NCALD: variants seen among roughly 807,000 people sequenced by gnomAD.
NCALD encodes neurocalcin-delta.
A neutral mutation model predicts 18.6 loss-of-function variants in NCALD; 10 were observed. The ratio of observed to expected loss-of-function variants is 0.54; its 90% CI spans 0.33 to 0.91. NCALD has a LOEUF of 0.91. NCALD is among the 40% of genes least tolerant of loss of function. NCALD has a pLI of 0.03. For missense variants in NCALD, 184 were observed against 247.6 expected (o/e 0.74, Z 1.72); for synonymous variants, 88 against 87.4 (o/e 1.01, Z -0.04).
intron 4 of NCALD, among the ~76,000 whole-genome samples, chr8:101,824,311 T>C (rs1326139647): frequency 6.6e-6 from 1 of 152,084 alleles, no homozygotes; most frequent in Non-Finnish European, 1.5e-5. Flanking sequence ...CAACGCTGTG[T>C]CCATAAATGA....
chr8:101,731,778 G>T (rs1411064903), intron 1 of NCALD, among the ~76,000 whole-genome samples: 3 of 152,110 alleles, frequency 2.0e-5, no homozygotes, highest in African/African-American at 7.2e-5. Flanking sequence ...GTCTAAGTCT[G>T]CCTCCACTCC....
intron 4 of NCALD, among the ~76,000 whole-genome samples, chr8:101,809,386 A>C (rs895474034): frequency 4.6e-5 from 7 of 152,138 alleles, no homozygotes; most frequent in South Asian, 2.1e-4. Context: ...TCTCACAGGA[A>C]ACTAAGGATT....
intron 1 of NCALD, among the ~76,000 whole-genome samples, chr8:102,030,275 T>C (rs1451404920): frequency 1.3e-5 from 2 of 152,236 alleles, no homozygotes; most frequent in Non-Finnish European, 2.9e-5. Flanking sequence ...GCTGGAGAAG[T>C]AGTTCTTGAT....
At chr8:101,835,746 C>T (rs73277017) in intron 4 of NCALD, among the ~76,000 whole-genome samples, 4,830 of 151,888 alleles carry the variant, frequency 0.032, 261 homozygotes, top group African/African-American at 0.11. Flanking sequence ...GTGCATGTGG[C>T]CAGGGCAGAA....
intron 1 of NCALD, among the ~76,000 whole-genome samples, chr8:101,775,078 G>T (rs1288401725): frequency 6.6e-6 from 1 of 152,160 alleles, no homozygotes; most frequent in African/African-American, 2.4e-5. Flanking sequence ...TAGTGATCTG[G>T]ACTGAGAACT....
At chr8:102,063,056 T>C (rs1823897836) in intron 1 of NCALD, among the ~76,000 whole-genome samples, 1 of 152,244 alleles carries the variant, frequency 6.6e-6, no homozygotes, top group Non-Finnish European at 1.5e-5. Context: ...ATGATTTATA[T>C]GCTTGTAGTC....
intron 4 of NCALD, among the ~76,000 whole-genome samples, chr8:101,879,748 A>G (rs569909116): frequency 6.6e-6 from 1 of 152,184 alleles, no homozygotes; most frequent in Non-Finnish European, 1.5e-5. Flanking sequence ...TGAGCTAGAC[A>G]CAAAAGTTTT....
intron 4 of NCALD, among the ~76,000 whole-genome samples, chr8:101,868,019 T>G (rs750947527): frequency 6.0e-4 from 91 of 152,196 alleles, no homozygotes; most frequent in Non-Finnish European, 6.3e-4. Context: ...GGTTTTTAGT[T>G]TTGCTAAGAT....
At chr8:101,720,640 C>A (rs1816310166) in intron 1 of NCALD, among the ~76,000 whole-genome samples, 1 of 152,034 alleles carries the variant, frequency 6.6e-6, no homozygotes, top group South Asian at 2.1e-4. Context: ...GGGGAAATAC[C>A]TGTAATTATT....
At chr8:101,726,190 G>T (rs1816566110) in intron 1 of NCALD, among the ~76,000 whole-genome samples, 1 of 152,186 alleles carries the variant, frequency 6.6e-6, no homozygotes, top group Non-Finnish European at 1.5e-5. Context: ...GAACCTGGAG[G>T]TGACTGTAGG....
At chr8:101,861,432 A>G (rs1815537784) in intron 4 of NCALD, among the ~76,000 whole-genome samples, 1 of 152,056 alleles carries the variant, frequency 6.6e-6, no homozygotes, top group Admixed American at 6.5e-5. Context: ...ACTGCTAAAA[A>G]CATGGGTGGA....
chr8:101,833,207 G>T (rs143995665), intron 4 of NCALD, among the ~76,000 whole-genome samples: 4 of 152,114 alleles, frequency 2.6e-5, no homozygotes, highest in Non-Finnish European at 5.9e-5. Context: ...ATCACCTCGG[G>T]ATCTTGGTAA....
At chr8:101,745,125 G>A (rs774235874) in intron 1 of NCALD, among the ~76,000 whole-genome samples, 10 of 151,526 alleles carry the variant, frequency 6.6e-5, no homozygotes, top group Admixed American at 1.3e-4. Flanking sequence ...CTCAAAAAAC[G>A]TAGTAATTGC....
chr8:101,801,411 AT>A (rs201221061), intron 4 of NCALD, among the ~76,000 whole-genome samples: 6 of 150,912 alleles, frequency 4.0e-5, no homozygotes, highest in Middle Eastern at 3.4e-3. Flanking sequence ...CAAAATACAC[AT>A]TTTTTTTTCA....
intron 2 of NCALD, among the ~76,000 whole-genome samples, chr8:101,987,499 G>A (rs911929433): frequency 5.9e-5 from 9 of 152,100 alleles, no homozygotes; most frequent in African/African-American, 1.9e-4. Flanking sequence ...AATGAACTGG[G>A]CCACCTAATT....
At chr8:102,087,773 T>G (rs1824787557) in intron 1 of NCALD, among the ~76,000 whole-genome samples, 1 of 152,142 alleles carries the variant, frequency 6.6e-6, no homozygotes, top group Non-Finnish European at 1.5e-5. Context: ...ACTTGAGAGC[T>G]GATGAGACTG....
intron 3 of NCALD, among the ~76,000 whole-genome samples, chr8:101,901,448 A>G (rs1817418569): frequency 6.6e-6 from 1 of 151,726 alleles, no homozygotes; most frequent in Admixed American, 6.6e-5. Context: ...TTGATTTTCT[A>G]GACTTATTGT....
chr8:101,739,714 G>A (rs1043270372), intron 1 of NCALD, among the ~76,000 whole-genome samples: 6 of 152,148 alleles, frequency 3.9e-5, no homozygotes, highest in African/African-American at 1.4e-4. Flanking sequence ...GATTTGCCAG[G>A]GTCTCTCAGG....
intron 4 of NCALD, among the ~76,000 whole-genome samples, chr8:101,801,956 G>A (rs914022454): frequency 2.0e-5 from 3 of 151,956 alleles, no homozygotes; most frequent in East Asian, 1.9e-4. Context: ...GTGAACCACC[G>A]CGCCCGGCCA....
Sources: gnomAD v4.1 joint callset for allele counts (sites outside exome capture counted in the v4.1 genomes callset) on GRCh38, gnomAD v4.1.1 for gene constraint, MANE v1.5 for transcripts, NCBI Gene and HGNC (gene_info 2026-07-23, HGNC 2026-07-21) for gene names.